The following WASF3 variants were observed in gnomAD, a reference collection of about 807,000 sequenced individuals.
WASF3 encodes WASP family member 3.
Under a neutral mutation model 46.6 loss-of-function variants are expected in WASF3, and 11 were observed. The ratio of observed to expected loss-of-function variants is 0.24; its 90% confidence interval spans 0.15 to 0.39. The LOEUF (loss-of-function observed/expected upper bound fraction) is 0.39. Ranked by LOEUF, WASF3 falls within the 10% of genes least tolerant of loss-of-function variation. The pLI, the probability that WASF3 is intolerant of heterozygous loss-of-function variation, is 1.00. For synonymous variants in WASF3, 242 were observed against 259.7 expected (o/e 0.93, Z 0.65); for missense variants, 576 against 669.8 (o/e 0.86, Z 1.55).
chr13:26,624,229 GAA>G lies in WASF3; in HGVS notation c.-11+11174_-11+11175del, dbSNP rs552769689. Among the ~76,000 whole-genome samples, 351 of 152,300 alleles carry G rather than the reference GAA, an allele frequency of 2.3e-3. 1 individual carries two copies. Among genetic ancestry groups the G allele is most frequent in the Non-Finnish European group, 4.2e-3 (283 of 68,026 alleles). On this transcript the variant is annotated intron_variant, in intron 2 of 9. Transcript: ENST00000335327. ...ATTAATGTATTGAAAAATGTATTGA[GAA>G]AAGTCTATATCAACAGAAATAAGGA... is the stretch of plus-strand genomic sequence containing the variant.
At chr13:26,608,319 T>C (rs924103664) in intron 1 of WASF3, among the ~76,000 whole-genome samples, 14 of 152,182 alleles carry the variant, frequency 9.2e-5, no homozygotes, top group Non-Finnish European at 1.8e-4. Context: ...AATTTTTGAG[T>C]GAATAAAGTA....
At chr13:26,572,386 T>A (rs1253912497) in intron 1 of WASF3, among the ~76,000 whole-genome samples, 1 of 152,200 alleles carries the variant, frequency 6.6e-6, no homozygotes, top group Non-Finnish European at 1.5e-5. Flanking sequence ...TCTTAAGTTA[T>A]GTTAAGAAAG....
intron 7 of WASF3, among the ~76,000 whole-genome samples, chr13:26,677,242 A>T (rs1333652825): frequency 6.6e-6 from 1 of 152,222 alleles, no homozygotes; most frequent in African/African-American, 2.4e-5. Context: ...GAAGAATTCT[A>T]TTGGCGTTTA....
At position 26,681,084 on chromosome 13, in the gene WASF3, T is replaced by C. The variant is rs1301212651; in HGVS notation, c.747T>C (p.Ser249=). ...RSHASDVTDY[S]YPATPNHSLH... ...ATGCATCGGACGTTACGGATTACTC[T>C]TACCCGGCTACTCCCAACCATTCTC... Residue 249 remains serine (S), a synonymous_variant, in exon 8 of 10, where the codon TCT becomes TCC. Transcript: ENST00000335327. 3 of 1,614,124 alleles carry C rather than the reference T, an allele frequency of 1.9e-6. No homozygotes were observed. Among genetic ancestry groups the C allele is most frequent in the Non-Finnish European group, 2.5e-6 (3 of 1,179,984 alleles).
At chr13:26,636,698 A>G (rs1881834206) in intron 2 of WASF3, among the ~76,000 whole-genome samples, 1 of 152,192 alleles carries the variant, frequency 6.6e-6, no homozygotes, top group East Asian at 1.9e-4. Context: ...TGGGTCATAC[A>G]GCCTTAGCAG....
intron 2 of WASF3, among the ~76,000 whole-genome samples, chr13:26,617,023 A>G (rs530225661): frequency 6.6e-6 from 1 of 152,082 alleles, no homozygotes; most frequent in South Asian, 2.1e-4. Context: ...TGTGATTGTA[A>G]TTTTCTGTGT....
the WASF3 span, among the ~76,000 whole-genome samples, chr13:26,550,473 T>C: frequency 1.3e-5 from 2 of 152,160 alleles, no homozygotes; most frequent in Non-Finnish European, 2.9e-5. Flanking sequence ...TCACTGAACA[T>C]TGGCAATTAT....
intron 1 of WASF3, among the ~76,000 whole-genome samples, chr13:26,562,868 T>TCCCCTCCCCTC (rs1879340731): frequency 1.4e-4 from 1 of 7,192 alleles, no homozygotes; most frequent in East Asian, 9.6e-3. Flanking sequence ...CCTCCCCTCC[T>TCCCCTCCCCTC]CCCTCCCTTC....
At position 26,681,117 on chromosome 13, in the gene WASF3, C is replaced by A; in HGVS notation, c.780C>A (p.Pro260=). The change falls in exon 8 of 10, where the codon CCC becomes CCA. Residue 260 remains proline (P), a synonymous_variant. Transcript: ENST00000335327. Reference sequence around the variant, plus strand: ...CTACTCCCAACCATTCTCTGCACCCCCAGCCTGTGACCCCTTCCTATGCAG... The same window carrying A: ...CTACTCCCAACCATTCTCTGCACCCACAGCCTGTGACCCCTTCCTATGCAG... The part of the protein sequence containing the change: ...YPATPNHSLH[P]QPVTPSYAAG... 1 of 1,614,250 alleles carries A rather than the reference C, an allele frequency of 6.2e-7. No individual in the cohort carries two copies. Among genetic ancestry groups the A allele is most frequent in the African/African-American group, 1.3e-5 (1 of 75,068 alleles).
chr13:26,616,254 T>C (rs565233741), intron 2 of WASF3, among the ~76,000 whole-genome samples: 2 of 152,356 alleles, frequency 1.3e-5, no homozygotes, highest in African/African-American at 2.4e-5. Flanking sequence ...AGTTCATCCA[T>C]GTTCTCATAA....
At chr13:26,623,856 A>G (rs957474486) in intron 2 of WASF3, among the ~76,000 whole-genome samples, 2 of 152,018 alleles carry the variant, frequency 1.3e-5, no homozygotes, top group Non-Finnish European at 2.9e-5. Flanking sequence ...AGGAACACTG[A>G]AAAAAGTCTA....
intron 3 of WASF3, among the ~76,000 whole-genome samples, chr13:26,661,768 T>C (rs370202547): frequency 6.6e-6 from 1 of 152,248 alleles, no homozygotes; most frequent in African/African-American, 2.4e-5. Flanking sequence ...CCAACACTTT[T>C]CTGCGTTTTT....
rs560715345 is a variant in WASF3, at chr13:26,683,908, C to T, written c.1351+934C>T. On this transcript the variant is annotated intron_variant, in intron 9 of 9. Coordinates refer to ENST00000335327, the MANE Select transcript of WASF3 (RefSeq NM_006646.6). Reference sequence around the variant, plus strand: ...TAACCAGGTCCCAACCCAGGTTGGTCGAGGGTCCCTGACATGTTATGGGAA... The same window carrying T: ...TAACCAGGTCCCAACCCAGGTTGGTTGAGGGTCCCTGACATGTTATGGGAA... Among the ~76,000 whole-genome samples the T allele has an allele frequency of 5.9e-5, 9 of 152,272 alleles. No individual in the cohort carries two copies. In the East Asian group the frequency reaches 1.4e-3, roughly 23 times the overall value.
intron 1 of WASF3, among the ~76,000 whole-genome samples, chr13:26,584,056 A>T (rs949002387): frequency 1.3e-5 from 2 of 152,138 alleles, no homozygotes; most frequent in Non-Finnish European, 2.9e-5. Context: ...ACCTCCCTGG[A>T]GGGGAAAAAG....
chr13:26,573,288 A>G (rs1479638006), intron 1 of WASF3, among the ~76,000 whole-genome samples: 1 of 151,974 alleles, frequency 6.6e-6, no homozygotes, highest in East Asian at 1.9e-4. Context: ...CCTGTGATTA[A>G]TATATTTTAT....
At chr13:26,665,598 T>G (rs1392678061) in intron 4 of WASF3, among the ~76,000 whole-genome samples, 1 of 152,178 alleles carries the variant, frequency 6.6e-6, no homozygotes, top group Non-Finnish European at 1.5e-5. Context: ...AAAATCCTGG[T>G]GATTCTGCTG....
chr13:26,616,041 T>C (rs997134853), intron 2 of WASF3, among the ~76,000 whole-genome samples: 6 of 152,252 alleles, frequency 3.9e-5, no homozygotes, highest in Admixed American at 1.3e-4. Context: ...GGATTGTTTC[T>C]AGTTTTTGGC....
At chr13:26,634,821 C>T (rs1389358948) in intron 2 of WASF3, among the ~76,000 whole-genome samples, 1 of 152,204 alleles carries the variant, frequency 6.6e-6, no homozygotes, top group East Asian at 1.9e-4. Context: ...GGCCCCCATT[C>T]TCTTCTGGCT....
rs570021526 is a variant in WASF3, at chr13:26,660,750, A to G, written c.134-4278A>G. 1.5e-4 allele frequency among the ~76,000 whole-genome samples: 23 copies of G among 152,298 alleles called. 1 individual carries two copies. Among genetic ancestry groups the G allele is most frequent in the African/African-American group, 5.3e-4 (22 of 41,562 alleles). ...TACATAACATTAAATTTACCTTAAC[A>G]GTTTTTAAGTGGACAGTCCAGTAGC... On this transcript the variant is annotated intron_variant, in intron 3 of 9. Coordinates refer to ENST00000335327, the MANE Select transcript of WASF3 (RefSeq NM_006646.6).
Sources: gnomAD v4.1 joint callset for allele counts (sites outside exome capture counted in the v4.1 genomes callset) on GRCh38, gnomAD v4.1.1 for gene constraint, MANE v1.5 for transcripts, NCBI Gene and HGNC (gene_info 2026-07-23, HGNC 2026-07-21) for gene names.